Variants in EPHA6 observed in about 807,000 individuals in gnomAD.
EPHA6 encodes EPH receptor A6, also known as ephrin type-A receptor 6.
A neutral mutation model predicts 112.0 loss-of-function variants in EPHA6; 50 were observed. That is an observed-to-expected ratio of 0.45 (90% CI 0.36 to 0.56). The LOEUF (loss-of-function observed/expected upper bound fraction) is 0.56, where lower values mean the gene tolerates loss of function less well. Ranked by LOEUF, EPHA6 falls within the 20% of genes least tolerant of loss-of-function variation. The pLI is 0.00. For missense variants in EPHA6, 1,280 were observed against 1,417.4 expected (o/e 0.90, Z 1.56); for synonymous variants, 529 against 490.7 (o/e 1.08, Z -1.03).
chr3:97,381,855 T>G (rs1426980505), intron 5 of EPHA6, among the ~76,000 whole-genome samples: 1 of 152,092 alleles, frequency 6.6e-6, no homozygotes, highest in Admixed American at 6.6e-5. Flanking sequence ...CCTTTCACCA[T>G]TCAGAGTCCA....
At chr3:97,716,654 G>A (rs190804713) in intron 14 of EPHA6, among the ~76,000 whole-genome samples, 1 of 151,178 alleles carries the variant, frequency 6.6e-6, no homozygotes, top group East Asian at 1.9e-4. Context: ...AGACTATGCA[G>A]TGCCTGAAGG....
chr3:97,700,617 G>A (rs1294420993), intron 14 of EPHA6, among the ~76,000 whole-genome samples: 1 of 152,152 alleles, frequency 6.6e-6, no homozygotes, highest in African/African-American at 2.4e-5. Flanking sequence ...CTAAAGTCAA[G>A]GCTGCTAACA....
At chr3:97,663,968 C>G (rs1266419828) in intron 14 of EPHA6, among the ~76,000 whole-genome samples, 1 of 152,164 alleles carries the variant, frequency 6.6e-6, no homozygotes, top group African/African-American at 2.4e-5. Flanking sequence ...AAAAGTGTTC[C>G]TATTTCTCCA....
intron 5 of EPHA6, among the ~76,000 whole-genome samples, chr3:97,337,299 G>A (rs992136857): frequency 6.6e-6 from 1 of 152,034 alleles, no homozygotes; most frequent in Non-Finnish European, 1.5e-5. Flanking sequence ...TTTTCAAATA[G>A]TAAATTACAT....
At chr3:97,108,045 C>T (rs1166506101) in intron 3 of EPHA6, among the ~76,000 whole-genome samples, 1 of 152,076 alleles carries the variant, frequency 6.6e-6, no homozygotes, top group Admixed American at 6.6e-5. Context: ...GTTTGGCCTC[C>T]TTCAAAACAT....
At chr3:97,633,277 G>T (rs1401803850) in intron 13 of EPHA6, among the ~76,000 whole-genome samples, 3 of 151,840 alleles carry the variant, frequency 2.0e-5, no homozygotes, top group Non-Finnish European at 4.4e-5. Context: ...TAGCAGTCAG[G>T]TTGAGAGAGC....
intron 3 of EPHA6, among the ~76,000 whole-genome samples, chr3:97,034,187 T>C (rs2044991757): frequency 6.6e-6 from 1 of 151,934 alleles, no homozygotes; most frequent in Admixed American, 6.6e-5. Context: ...ACTGACATAA[T>C]CAAATTATTC....
In EPHA6 at chr3:97,636,090, A is replaced by G. The variant is rs145620345; in HGVS notation, c.2575-1783A>G. Reference sequence around the variant, plus strand: ...TATATGTGATTCTCCCTGCAATTCCAAGTTAGATGACTCTATTCTCATCGT... The same window carrying G: ...TATATGTGATTCTCCCTGCAATTCCGAGTTAGATGACTCTATTCTCATCGT... On this transcript the variant is annotated intron_variant, in intron 13 of 17. Coordinates refer to ENST00000389672, the MANE Select transcript of EPHA6 (RefSeq NM_001080448.3). 6.5e-3 allele frequency among the ~76,000 whole-genome samples: 988 copies of G among 152,232 alleles called. 10 individuals carry two copies. Among genetic ancestry groups the G allele is most frequent in the African/African-American group, 0.022 (911 of 41,564 alleles).
chr3:97,176,613 C>T (rs1240519745), intron 3 of EPHA6, among the ~76,000 whole-genome samples: 1 of 151,640 alleles, frequency 6.6e-6, no homozygotes, highest in Admixed American at 6.6e-5. Flanking sequence ...CTTCCTGGTT[C>T]GATCTTGGTA....
chr3:97,273,434 G>A (rs1025123808), intron 5 of EPHA6, among the ~76,000 whole-genome samples: 27 of 152,104 alleles, frequency 1.8e-4, no homozygotes, highest in Admixed American at 1.6e-3. Context: ...CAAGTTTTTT[G>A]GGGGCACAGT....
At chr3:97,597,013 A>G (rs1175656544) in intron 12 of EPHA6, among the ~76,000 whole-genome samples, 1 of 150,938 alleles carries the variant, frequency 6.6e-6, no homozygotes, top group Non-Finnish European at 1.5e-5. Context: ...AAACTCAAAT[A>G]TATCTTAAAC....
intron 5 of EPHA6, among the ~76,000 whole-genome samples, chr3:97,346,532 T>A (rs924314345): frequency 1.3e-5 from 2 of 152,124 alleles, no homozygotes; most frequent in African/African-American, 4.8e-5. Flanking sequence ...CTTCTCTGGA[T>A]GCAGAATGGC....
intron 14 of EPHA6, among the ~76,000 whole-genome samples, chr3:97,640,980 T>C (rs1001215436): frequency 1.6e-4 from 25 of 152,128 alleles, no homozygotes; most frequent in Non-Finnish European, 2.9e-5. Context: ...TCATTATATG[T>C]TCATTATGAT....
chr3:97,006,855 C>G (rs1288276725), intron 3 of EPHA6, among the ~76,000 whole-genome samples: 1 of 152,118 alleles, frequency 6.6e-6, no homozygotes, highest in Admixed American at 6.6e-5. Flanking sequence ...TTAATTTCAT[C>G]ATTTACCCAG....
At chr3:96,915,143 A>G (rs1230756842) in intron 2 of EPHA6, among the ~76,000 whole-genome samples, 2 of 152,006 alleles carry the variant, frequency 1.3e-5, no homozygotes, top group East Asian at 1.9e-4. Flanking sequence ...ATGTCATTTT[A>G]AAGGGAAACA....
Position 97,457,094 on chromosome 3 carries a change from C to T in EPHA6, c.1894+8364C>T, listed in dbSNP as rs559350493. Among the ~76,000 whole-genome samples, 4 of 152,218 alleles carry T rather than the reference C, an allele frequency of 2.6e-5. No homozygotes were observed. The South Asian group carries it at 6.2e-4, about 24-fold the overall frequency. ...ATTATATTAATAACAGTATGGAGGC[C>T]TATTGAGAACTGTTGGAATGATTCT... On this transcript the variant is annotated intron_variant, in intron 7 of 17. Transcript: ENST00000389672.
Position 96,850,699 on chromosome 3 carries a change from A to G in EPHA6, c.386-16126A>G, listed in dbSNP as rs1576138701. 3.3e-5 allele frequency among the ~76,000 whole-genome samples: 5 copies of G among 151,940 alleles called. 1 individual carries two copies. The East Asian group carries it at 9.7e-4, about 29-fold the overall frequency. Reference sequence around the variant, plus strand: ...GTTTTAAGCAAAAGCAAATTAGTGGAGAAAAGAACAGAGTTGTATGAATTT... The same window carrying G: ...GTTTTAAGCAAAAGCAAATTAGTGGGGAAAAGAACAGAGTTGTATGAATTT... On this transcript the variant is annotated intron_variant, in intron 1 of 17. Coordinates refer to ENST00000389672, the MANE Select transcript of EPHA6 (RefSeq NM_001080448.3).
At chr3:97,277,081 A>G (rs1257077332) in intron 5 of EPHA6, among the ~76,000 whole-genome samples, 1 of 152,044 alleles carries the variant, frequency 6.6e-6, no homozygotes, top group East Asian at 1.9e-4. Context: ...GTAGAAAAGG[A>G]AGAAAGACTC....
At chr3:97,134,429 T>C (rs2075717787) in intron 3 of EPHA6, among the ~76,000 whole-genome samples, 1 of 152,128 alleles carries the variant, frequency 6.6e-6, no homozygotes, top group Non-Finnish European at 1.5e-5. Context: ...TTTTGGCTAC[T>C]GGTGTATGTG....
Sources: gnomAD v4.1 joint callset for allele counts (sites outside exome capture counted in the v4.1 genomes callset) on GRCh38, gnomAD v4.1.1 for gene constraint, MANE v1.5 for transcripts, NCBI Gene and HGNC (gene_info 2026-07-23, HGNC 2026-07-21) for gene names.